The following USH2A variants were observed in gnomAD, a reference collection of about 807,000 sequenced individuals.
The protein encoded by USH2A is usherin.
A neutral mutation model predicts 538.9 loss-of-function variants in USH2A; 443 were observed. That is an observed-to-expected ratio of 0.82 (90% CI 0.76 to 0.89). The LOEUF is 0.89. Among genes scored for constraint, USH2A ranks in the 40% least tolerant of loss-of-function variants. The pLI, the probability that USH2A is intolerant of heterozygous loss-of-function variation, is 0.00. For missense variants in USH2A, 6,633 were observed against 6,324.8 expected (o/e 1.05, Z -1.65); for synonymous variants, 2,413 against 2,273.5 (o/e 1.06, Z -1.75).
chr1:215,885,160 ATTTTAC>A (rs923262993), intron 41 of USH2A, among the ~76,000 whole-genome samples: 155 of 151,524 alleles, frequency 1.0e-3, no homozygotes, highest in African/African-American at 3.7e-3. Context: ...TCCTAATCTG[ATTTTAC>A]TTTGACTTTT....
intron 30 of USH2A, among the ~76,000 whole-genome samples, chr1:216,059,520 TC>T (rs1163794753): frequency 6.6e-6 from 1 of 152,236 alleles, no homozygotes; most frequent in African/African-American, 2.4e-5. Context: ...CTGGATAGCA[TC>T]CTTTGCCTAT....
chr1:215,750,871 A>G (rs1288683613), intron 58 of USH2A, among the ~76,000 whole-genome samples: 2 of 152,144 alleles, frequency 1.3e-5, no homozygotes, highest in African/African-American at 2.4e-5. Context: ...ATGAACACTA[A>G]ATGAGATATA....
intron 50 of USH2A, among the ~76,000 whole-genome samples, chr1:215,796,159 T>C (rs2102775755): frequency 6.6e-6 from 1 of 152,322 alleles, no homozygotes; most frequent in South Asian, 2.1e-4. Context: ...AAAGCTCTGC[T>C]GTACACATAG....
chr1:216,174,612 C>G (rs776249190), intron 21 of USH2A: 106 of 982,536 alleles, frequency 1.1e-4, no homozygotes, highest in Non-Finnish European at 1.2e-4. Context: ...TTTTTAGTGC[C>G]TTTAAATTTT....
In USH2A at chr1:215,759,854, T is replaced by C. The variant is rs774339097; in HGVS notation, c.11048-11A>G. 3 of 1,613,840 alleles carry C rather than the reference T, an allele frequency of 1.9e-6. No individual in the cohort carries two copies. The highest frequency in any genetic ancestry group is 2.5e-6 in the Non-Finnish European group (3 of 1,179,850). On this transcript the variant is annotated splice_polypyrimidine_tract_variant and intron_variant, in intron 56 of 71. Coordinates refer to ENST00000307340, the MANE Select transcript of USH2A (RefSeq NM_206933.4). ...GTGTCACCCAAACTCCTGGCAAGAA[T>C]AACGCAATGAGGTTTTATTGTTAGG...
intron 35 of USH2A, among the ~76,000 whole-genome samples, chr1:215,976,713 G>T (rs1329328054): frequency 1.3e-5 from 2 of 152,110 alleles, no homozygotes; most frequent in African/African-American, 4.8e-5. Context: ...CTACTTGATT[G>T]TGTTGAATTA....
In USH2A at chr1:215,951,626, G is replaced by A. The variant is rs555025275; in HGVS notation, c.7120+13691C>T. Among the ~76,000 whole-genome samples, 728 of 152,036 alleles carry A rather than the reference G, an allele frequency of 4.8e-3. 10 individuals carry two copies. Among genetic ancestry groups the A allele is most frequent in the African/African-American group, 0.015 (618 of 41,478 alleles). On this transcript the variant is annotated intron_variant, in intron 37 of 71. Coordinates refer to ENST00000307340, the MANE Select transcript of USH2A (RefSeq NM_206933.4). ...GATATCCTTGTTAACTTTCTGTCTC[G>A]TTGATCTGTCTAATGTTGACAGTGG...
At chr1:215,737,714 A>G (rs1660196138) in intron 60 of USH2A, among the ~76,000 whole-genome samples, 1 of 151,956 alleles carries the variant, frequency 6.6e-6, no homozygotes, top group African/African-American at 2.4e-5. Context: ...ATTCATATCT[A>G]TATCCATCTT....
At chr1:216,317,277 CA>C (rs985264162) in intron 9 of USH2A, among the ~76,000 whole-genome samples, 2 of 152,022 alleles carry the variant, frequency 1.3e-5, no homozygotes, top group African/African-American at 4.8e-5. Context: ...TTATTCTCAG[CA>C]AAATAATGCC....
intron 61 of USH2A, among the ~76,000 whole-genome samples, chr1:215,691,565 C>T (rs576389978): frequency 3.3e-4 from 51 of 152,320 alleles, no homozygotes; most frequent in African/African-American, 1.1e-3. Context: ...ACCCACTCTC[C>T]TCCCTGTCTC....
At chr1:215,794,431 C>T (rs2102773954) in intron 50 of USH2A, among the ~76,000 whole-genome samples, 1 of 152,218 alleles carries the variant, frequency 6.6e-6, no homozygotes, top group Middle Eastern at 3.4e-3. Context: ...TTATGAGATC[C>T]AAACACTTAT....
chr1:215,787,856 C>T (rs1661847166), intron 51 of USH2A, among the ~76,000 whole-genome samples: 1 of 151,982 alleles, frequency 6.6e-6, no homozygotes. Flanking sequence ...CCAGACCGAT[C>T]AACATGGCGA....
chr1:215,664,871 C>T (rs550415306), intron 64 of USH2A, among the ~76,000 whole-genome samples: 77 of 152,272 alleles, frequency 5.1e-4, no homozygotes, highest in African/African-American at 1.7e-3. Context: ...CTTGTACTTT[C>T]CCGCCTCTAG....
intron 11 of USH2A, among the ~76,000 whole-genome samples, chr1:216,259,695 G>A (rs1438039880): frequency 6.6e-6 from 1 of 152,024 alleles, no homozygotes; most frequent in African/African-American, 2.4e-5. Flanking sequence ...GGATACAGGT[G>A]TTAACTAAGA....
chr1:216,014,780 G>A (rs191555130), intron 32 of USH2A, among the ~76,000 whole-genome samples: 145 of 152,296 alleles, frequency 9.5e-4, no homozygotes, highest in Middle Eastern at 6.8e-3. Flanking sequence ...AAACCTTACC[G>A]ATTACTGTCA....
chr1:216,089,061 TA>T lies in USH2A; in HGVS notation c.4836del (p.Ile1613LeufsTer22). ...ATTTGGCCAAAAGCCTGATGCCTAATAGCAATTATTTCATGCCATTTTCCAT... is the reference window on the plus strand; with the variant it reads ...ATTTGGCCAAAAGCCTGATGCCTAATGCAATTATTTCATGCCATTTTCCAT... ...YSDGKWHEII[A>X]IRHQAFGQIT... On this transcript the variant is annotated frameshift_variant, in exon 23 of 72. Transcript: ENST00000307340. LOFTEE classifies it high-confidence loss of function. 1 of 1,613,532 alleles carries T rather than the reference TA, an allele frequency of 6.2e-7. No individual in the cohort carries two copies. The highest frequency in any genetic ancestry group is 1.7e-5 in the Admixed American group (1 of 59,996).
At chr1:215,628,425 G>C (rs1354179998) in intron 71 of USH2A, among the ~76,000 whole-genome samples, 3 of 152,050 alleles carry the variant, frequency 2.0e-5, no homozygotes, top group Admixed American at 1.3e-4. Flanking sequence ...TGGGATTACA[G>C]GTGCCCACCA....
At chr1:216,324,402 C>A (rs772807957) in intron 6 of USH2A, 50 bp from the exon 7 acceptor site, 1 of 1,467,434 alleles carries the variant, frequency 6.8e-7, no homozygotes, top group Non-Finnish European at 9.4e-7. Context: ...GTTTAACCAT[C>A]AGTATATATC....
At chr1:216,157,430 A>G (rs1046341081) in intron 21 of USH2A, among the ~76,000 whole-genome samples, 2 of 152,234 alleles carry the variant, frequency 1.3e-5, no homozygotes, top group Non-Finnish European at 2.9e-5. Context: ...TTCTCAAAGA[A>G]CTTAAAACAG....
Sources: allele counts gnomAD v4.1 joint callset (sites outside exome capture counted in the v4.1 genomes callset), GRCh38; gene constraint gnomAD v4.1.1; transcripts MANE v1.5; gene names NCBI Gene and HGNC (gene_info 2026-07-23, HGNC 2026-07-21).